PSMC2: variants seen among roughly 807,000 people sequenced by gnomAD.
PSMC2 encodes the protein proteasome 26S subunit, ATPase 2.
A neutral mutation model predicts 53.3 loss-of-function variants in PSMC2; 7 were observed. The ratio of observed to expected loss-of-function variants is 0.13; its 90% CI spans 0.07 to 0.25. The LOEUF is 0.25. Ranked by LOEUF, PSMC2 falls within the 10% of genes least tolerant of loss-of-function variation. The pLI, the probability that PSMC2 is intolerant of heterozygous loss-of-function variation, is 1.00. For synonymous variants in PSMC2, 169 were observed against 183.9 expected (o/e 0.92, Z 0.66); for missense variants, 241 against 544.0 (o/e 0.44, Z 5.54).
intron 4 of PSMC2, among the ~76,000 whole-genome samples, chr7:103,361,423 TTGCA>T (rs1820397395): frequency 6.8e-6 from 1 of 147,928 alleles, no homozygotes; most frequent in African/African-American, 2.5e-5. Context: ...GGCAGGAGAA[TTGCA>T]TGAACCCAAG....
In PSMC2 at chr7:103,368,084, A is replaced by C; in HGVS notation, c.*30A>C. 6.3e-7 allele frequency: 1 copy of C among 1,574,892 alleles called. No homozygotes were observed. The highest frequency in any genetic ancestry group is 1.1e-5 in the South Asian group (1 of 87,584). ...TGAAGGCTTTCAAGTGAAAACTTTA[A>C]ATTGGAATCCTAACCTTATATAGAC... On this transcript the variant is annotated 3_prime_UTR_variant, in exon 12 of 12. Coordinates refer to ENST00000292644, the MANE Select transcript of PSMC2 (RefSeq NM_002803.4).
chr7:103,364,737 G>A (rs547080946), intron 8 of PSMC2, among the ~76,000 whole-genome samples: 1 of 152,082 alleles, frequency 6.6e-6, no homozygotes, highest in South Asian at 2.1e-4. Context: ...ATTGTAATTA[G>A]TAGTTTAGAA....
chr7:103,348,641 T>A, intron 1 of PSMC2: 1 of 1,419,868 alleles, frequency 7.0e-7, no homozygotes, highest in Non-Finnish European at 9.9e-7. Context: ...CCGCGAAAAT[T>A]CGGCCAGGGT....
chr7:103,355,078 A>G, intron 3 of PSMC2, 129 bp downstream of exon 3: 1 of 683,508 alleles, frequency 1.5e-6, no homozygotes. Flanking sequence ...CCTTTCTGTT[A>G]AGAAATTAGA....
intron 4 of PSMC2, among the ~76,000 whole-genome samples, chr7:103,361,510 CAAAAAAAAAAAAAAA>C (rs759044767): frequency 2.0e-5 from 1 of 51,102 alleles, no homozygotes; most frequent in Non-Finnish European, 4.1e-5. Context: ...AACTCCATCT[CAAAAAAAAAAAAAAA>C]AAAAAAAAGA....
intron 8 of PSMC2, 52 bp downstream of exon 8, chr7:103,364,359 T>G: frequency 1.3e-6 from 2 of 1,588,568 alleles, no homozygotes; most frequent in Non-Finnish European, 1.7e-6. Context: ...TTTTACAGTA[T>G]GAATGAAATT....
At chr7:103,356,334 T>G (rs953254222) in intron 4 of PSMC2, among the ~76,000 whole-genome samples, 1 of 152,204 alleles carries the variant, frequency 6.6e-6, no homozygotes, top group Non-Finnish European at 1.5e-5. Flanking sequence ...TGTTAAATGT[T>G]TCTCAGTGTA....
intron 2 of PSMC2, among the ~76,000 whole-genome samples, chr7:103,354,326 A>G (rs569701101): frequency 3.1e-4 from 47 of 152,048 alleles, no homozygotes; most frequent in Middle Eastern, 3.4e-3. Context: ...TGAAGTTTTA[A>G]TGCATAGAAA....
chr7:103,354,925 C>T lies in PSMC2; in HGVS notation c.166C>T (p.Leu56Phe), dbSNP rs1819946952. Residue 56 changes from leucine to phenylalanine, a missense_variant, in exon 3 of 12, where the codon CTC (leucine) becomes TTC (phenylalanine). Coordinates refer to ENST00000292644, the MANE Select transcript of PSMC2 (RefSeq NM_002803.4). The part of the protein sequence containing the change: ...KQVEDDIQQL[L>F]KKINELTGIK... ...AGTTGAAGATGACATTCAGCAACTT[C>T]TCAAGAAAATTAATGAGCTCACTGG... 2.5e-6 allele frequency: 4 copies of T among 1,612,186 alleles called. No individual in the cohort carries two copies. The East Asian group carries it at 8.9e-5, about 36-fold the overall frequency.
intron 2 of PSMC2, 63 bp downstream of exon 2, chr7:103,354,021 A>T (rs1224762127): frequency 7.9e-7 from 1 of 1,266,566 alleles, no homozygotes; most frequent in Middle Eastern, 2.7e-4. Flanking sequence ...CTGTTTTGGT[A>T]TTGTCCTTCC....
At position 103,367,582 on chromosome 7, in the gene PSMC2, T is replaced by C. The variant is rs768164237; in HGVS notation, c.1014T>C (p.Asp338=). ...DPALMRPGRL[D]RKIEFSLPDL... is the part of the protein sequence containing the mutation. ...CACTGATGAGGCCAGGGAGATTGGATAGAAAAATTGAATTTAGCTTGCCCG... is the reference window on the plus strand; with the variant it reads ...CACTGATGAGGCCAGGGAGATTGGACAGAAAAATTGAATTTAGCTTGCCCG... Residue 338 remains aspartate (D), a synonymous_variant, in exon 10 of 12, where the codon GAT becomes GAC. Transcript: ENST00000292644. The surrounding 1 kb of genome is among the most constrained non-coding windows in gnomAD (Gnocchi z 6.1). 7 of 1,614,032 alleles carry C rather than the reference T, an allele frequency of 4.3e-6. No individual in the cohort carries two copies. The highest frequency in any genetic ancestry group is 3.3e-5 in the South Asian group (3 of 91,080).
At chr7:103,355,345 T>G (rs1819971261) in intron 3 of PSMC2, among the ~76,000 whole-genome samples, 1 of 152,186 alleles carries the variant, frequency 6.6e-6, no homozygotes, top group South Asian at 2.1e-4. Context: ...TTATAATATT[T>G]GACCTACACA....
At chr7:103,347,846 G>A (rs761676895) in intron 1 of PSMC2, 65 bp downstream of exon 1, 76 of 1,570,294 alleles carry the variant, frequency 4.8e-5, no homozygotes, top group Non-Finnish European at 6.5e-5. Context: ...CTTGGCACTG[G>A]AGAGGAGCTG....
At chr7:103,347,567 C>G, upstream of PSMC2, 1 of 856,200 alleles carries the variant, frequency 1.2e-6, no homozygotes, top group Non-Finnish European at 1.9e-6. Context: ...TTCCCCAGGG[C>G]TCTGTCCGGA....
chr7:103,366,012 C>T, intron 8 of PSMC2, 64 bp from the exon 9 acceptor site: 1 of 1,308,616 alleles, frequency 7.6e-7, no homozygotes, highest in Admixed American at 1.9e-5. Flanking sequence ...TGAAGCATAA[C>T]TTTTTACTTA....
chr7:103,359,805 C>T (rs10234363), intron 4 of PSMC2, among the ~76,000 whole-genome samples: 9,182 of 152,136 alleles, frequency 0.06, 398 homozygotes, highest in African/African-American at 0.12. Context: ...TTTGACTGGG[C>T]GCAGTGGCTC....
At position 103,366,237 on chromosome 7, in the gene PSMC2, G is replaced by A. The variant is rs1334731098; in HGVS notation, c.844+74G>A. 3 of 1,317,312 alleles carry A rather than the reference G, an allele frequency of 2.3e-6. No individual in the cohort carries two copies. In the African/African-American group the frequency reaches 4.4e-5, roughly 19 times the overall value. 81.6% of individuals were successfully genotyped at this position (1,317,312 alleles called of 1,614,324 possible). The stretch of plus-strand genomic sequence containing the variant: ...GCTGTAAAGTGATATGTCGTGATAT[G>A]TTAATCTTGTACAGAATTTTAACTC... On this transcript the variant is annotated intron_variant, in intron 9 of 11. Transcript: ENST00000292644.
chr7:103,350,249 G>C (rs75501385), intron 1 of PSMC2, among the ~76,000 whole-genome samples: 302 of 152,232 alleles, frequency 2.0e-3, no homozygotes, highest in African/African-American at 6.5e-3. Context: ...GCCTGAAAGT[G>C]GCAGAAAGGA....
Position 103,363,403 on chromosome 7 carries a change from G to A in PSMC2, c.555G>A (p.Glu185=), listed in dbSNP as rs1474635411. The change falls in exon 7 of 12, where the codon GAG becomes GAA. Residue 185 remains glutamate, a synonymous_variant. Transcript: ENST00000292644. ...SDVGGCKEQI[E]KLREVVETPL... Reference sequence around the variant, plus strand: ...TTGGTGGCTGTAAGGAACAGATTGAGAAACTGCGAGAAGTAGTTGAAACCC... The same window carrying A: ...TTGGTGGCTGTAAGGAACAGATTGAAAAACTGCGAGAAGTAGTTGAAACCC... 1 of 1,613,880 alleles carries A rather than the reference G, an allele frequency of 6.2e-7. No homozygotes were observed. The highest frequency in any genetic ancestry group is 1.1e-5 in the South Asian group (1 of 91,072).
Sources: allele counts gnomAD v4.1 joint callset (sites outside exome capture counted in the v4.1 genomes callset), GRCh38; gene constraint gnomAD v4.1.1; non-coding constraint Gnocchi (gnomAD v3.1); transcripts MANE v1.5; gene names NCBI Gene and HGNC (gene_info 2026-07-23, HGNC 2026-07-21).